PFKFB2: variants seen among roughly 807,000 people sequenced by gnomAD.
The protein encoded by PFKFB2 is 6-phosphofructo-2-kinase/fructose-2,6-biphosphatase 2, also known as 6-phosphofructo-2-kinase/fructose-2,6-bisphosphatase 2.
PFKFB2 carries 53 observed loss-of-function variants against 68.0 expected under a neutral mutation model. That is an observed-to-expected ratio of 0.78 (90% CI 0.63 to 0.98). The LOEUF is 0.98. Among genes scored for constraint, PFKFB2 ranks in the 50% least tolerant of loss-of-function variants. PFKFB2 has a pLI of 0.00. For missense variants in PFKFB2, 451 were observed against 642.0 expected (o/e 0.70, Z 3.22); for synonymous variants, 222 against 227.6 (o/e 0.98, Z 0.22).
At chr1:207,062,222 C>G in intron 3 of PFKFB2, 144 bp downstream of exon 3, 4 of 1,163,612 alleles carry the variant, frequency 3.4e-6, no homozygotes, top group Non-Finnish European at 4.8e-6. Flanking sequence ...TGGAGTTATT[C>G]TCTATTCCCA....
intron 2 of PFKFB2, among the ~76,000 whole-genome samples, chr1:207,061,165 T>TTATATATATATATATATATA (rs201702529): frequency 6.6e-4 from 30 of 45,162 alleles, no homozygotes; most frequent in South Asian, 2.2e-3. Flanking sequence ...ATATATATCT[T>TTATATATATATATATATATA]TATATATATA....
chr1:207,045,258 T>A (rs574660548), intron 2 of PFKFB2: 35 of 152,568 alleles, frequency 2.3e-4, no homozygotes, highest in Middle Eastern at 3.4e-3. Flanking sequence ...AATACTGCAT[T>A]GTATAATAAT....
upstream of PFKFB2, chr1:207,049,193 TATC>T: frequency 1.9e-6 from 3 of 1,614,058 alleles, no homozygotes; most frequent in Non-Finnish European, 2.5e-6. Flanking sequence ...ACAAGAACAA[TATC>T]ATCATTAGAG....
In PFKFB2 at chr1:207,073,547, T is replaced by C. The variant is rs1288492272; in HGVS notation, c.*1176T>C. ...AAACAAAATAGTTTTTACATGACCA[T>C]TTTTTTCCCAAATGTGGAAAAGCTT... is the stretch of plus-strand genomic sequence containing the variant. On this transcript the variant is annotated 3_prime_UTR_variant, in exon 15 of 15. Coordinates refer to ENST00000367080, the MANE Select transcript of PFKFB2 (RefSeq NM_006212.2). 3.1e-6 allele frequency: 3 copies of C among 982,898 alleles called. No individual in the cohort carries two copies. The highest frequency in any genetic ancestry group is 3.6e-6 in the Non-Finnish European group (3 of 827,568). 60.9% of individuals were successfully genotyped at this position (982,898 alleles called of 1,614,324 possible). A position where few individuals can be genotyped will look rare whatever the true frequency, so the allele number is the denominator to read the frequency against.
intron 2 of PFKFB2, among the ~76,000 whole-genome samples, chr1:207,056,823 T>C (rs1025801703): frequency 6.6e-6 from 1 of 152,184 alleles, no homozygotes; most frequent in African/African-American, 2.4e-5. Flanking sequence ...AATAAAGTTA[T>C]GAGTATATGT....
Position 207,046,021 on chromosome 1 carries a change from A to AT in PFKFB2, c.-18+3812dup, listed in dbSNP as rs1238037073. 1.1e-4 allele frequency: 16 copies of AT among 152,114 alleles called. No individual in the cohort carries two copies. In the East Asian group the frequency reaches 3.1e-3, roughly 29 times the overall value. The allele number at this position is 152,114 out of a possible 1,614,324, so 9.4% of individuals were successfully genotyped here. A position where few individuals can be genotyped will look rare whatever the true frequency, so the allele number is the denominator to read the frequency against. On this transcript the variant is annotated intron_variant, in intron 2 of 5. Transcript: ENST00000545806. ...CTTCACTTGGCTAACACATCACAAA[A>AT]TTTCCAGGTATGTTAAATTTTAGCT... is the stretch of plus-strand genomic sequence containing the variant.
chr1:207,039,134 G>A (rs941089809), intron 1 of PFKFB2, among the ~76,000 whole-genome samples: 1 of 152,186 alleles, frequency 6.6e-6, no homozygotes, highest in Non-Finnish European at 1.5e-5. Context: ...CCTAATGAGA[G>A]GGTAACTTTG....
chr1:207,068,524 G>A (rs1376047835), intron 10 of PFKFB2, among the ~76,000 whole-genome samples: 1 of 152,040 alleles, frequency 6.6e-6, no homozygotes, highest in Non-Finnish European at 1.5e-5. Flanking sequence ...GCCAATCATG[G>A]GACCCAAACC....
chr1:207,071,541 G>A lies in PFKFB2; in HGVS notation c.1318G>A (p.Glu440Lys). ...CKVETIKLNV[E>K]AVNTHRDKPT... is the part of the protein sequence containing the mutation. ...AGTGGAAACAATTAAACTTAACGTGGAGGCTGTGAACACGCACCGTGACAA... is the reference window on the plus strand; with the variant it reads ...AGTGGAAACAATTAAACTTAACGTGAAGGCTGTGAACACGCACCGTGACAA... The change falls in exon 14 of 15, where the codon GAG becomes AAG. Residue 440 changes from glutamate (E) to lysine (K), a missense_variant. By Grantham distance (56) the Glu-to-Lys change is moderately conservative (BLOSUM62 1). Transcript: ENST00000367080. The A allele has an allele frequency of 6.2e-7, 1 of 1,613,862 alleles. No homozygotes were observed. Among genetic ancestry groups the A allele is most frequent in the Non-Finnish European group, 8.5e-7 (1 of 1,179,848 alleles).
At chr1:207,046,864 G>A (rs898191020) in intron 2 of PFKFB2, 1 of 151,952 alleles carries the variant, frequency 6.6e-6, no homozygotes, top group African/African-American at 2.4e-5. Context: ...AACATGCCTG[G>A]CACAGTATAA....
intron 14 of PFKFB2, among the ~76,000 whole-genome samples, chr1:207,071,835 G>T (rs1024442599): frequency 1.3e-5 from 2 of 152,136 alleles, no homozygotes; most frequent in Non-Finnish European, 2.9e-5. Flanking sequence ...GAAGTGAAAT[G>T]CAAATTACTA....
Position 207,063,432 on chromosome 1 carries a change from A to T in PFKFB2, c.450+11A>T, listed in dbSNP as rs1486945957. 1 of 1,598,708 alleles carries T rather than the reference A, an allele frequency of 6.3e-7. No individual in the cohort carries two copies. Among genetic ancestry groups the T allele is most frequent in the Non-Finnish European group, 8.6e-7 (1 of 1,167,154 alleles). On this transcript the variant is annotated intron_variant, in intron 6 of 14. Coordinates refer to ENST00000367080, the MANE Select transcript of PFKFB2 (RefSeq NM_006212.2). The surrounding 1 kb of genome is among the most constrained non-coding windows in gnomAD (Gnocchi z 4.1). ...CAGAATTCCTTCAAGGTAGGATCTG[A>T]CTCCATGTTGGAGGAAAAGGGATGA...
rs1683522189 is a variant in PFKFB2, at chr1:207,073,283, T to C, written c.*912T>C. 1.0e-6 allele frequency: 1 copy of C among 985,342 alleles called. No homozygotes were observed. Among genetic ancestry groups the C allele is most frequent in the Admixed American group, 6.1e-5 (1 of 16,262 alleles). 61.0% of individuals were successfully genotyped at this position (985,342 alleles called of 1,614,324 possible). A position where few individuals can be genotyped will look rare whatever the true frequency, so the allele number is the denominator to read the frequency against. ...AGGAGAGTAGGGTGGGCTCTAGCTC[T>C]TGCAGGGCTCTTAGAGAGCAGTCAT... On this transcript the variant is annotated 3_prime_UTR_variant, in exon 15 of 15. Transcript: ENST00000367080.
chr1:207,042,817 G>A (rs1405859226), intron 2 of PFKFB2, among the ~76,000 whole-genome samples: 1 of 152,086 alleles, frequency 6.6e-6, no homozygotes, highest in Non-Finnish European at 1.5e-5. Context: ...TTTTTGGCTT[G>A]TTGAGATTTT....
Position 207,074,595 on chromosome 1 carries a change from C to A in PFKFB2, c.*2224C>A. On this transcript the variant is annotated 3_prime_UTR_variant, in exon 15 of 15. Transcript: ENST00000367080. ...CTTCTAAAGGCTGCTTACCTAGATTCTTCTCAAAATTGTGTCCAAGATGTT... is the reference window on the plus strand; with the variant it reads ...CTTCTAAAGGCTGCTTACCTAGATTATTCTCAAAATTGTGTCCAAGATGTT... 1 of 985,392 alleles carries A rather than the reference C, an allele frequency of 1.0e-6. No homozygotes were observed. The highest frequency in any genetic ancestry group is 1.2e-6 in the Non-Finnish European group (1 of 829,926). The allele number at this position is 985,392 out of a possible 1,614,324, so 61.0% of individuals were successfully genotyped here.
At chr1:207,049,272 G>T (rs115740223), upstream of PFKFB2, 14 of 1,614,114 alleles carry the variant, frequency 8.7e-6, no homozygotes, top group Non-Finnish European at 1.2e-5. Flanking sequence ...CATAGTGGAT[G>T]CCATCATAAA....
chr1:207,071,845 A>AC (rs1397316057), intron 14 of PFKFB2, among the ~76,000 whole-genome samples: 1 of 151,882 alleles, frequency 6.6e-6, no homozygotes, highest in Non-Finnish European at 1.5e-5. Flanking sequence ...GCAAATTACT[A>AC]CCCCCCTCCA....
rs1463675862 is a variant in PFKFB2 at position 207,076,882 on chromosome 1, G to C, written c.*4511G>C. 1.0e-6 allele frequency: 1 copy of C among 984,706 alleles called. No homozygotes were observed. The highest frequency in any genetic ancestry group is 1.2e-6 in the Non-Finnish European group (1 of 829,428). 61.0% of individuals were successfully genotyped at this position (984,706 alleles called of 1,614,324 possible). ...TGCCTGCTTTCTGATTGTATCCATT[G>C]AAGTGTATGTACATTATGGTAATTC... is the stretch of plus-strand genomic sequence containing the variant. On this transcript the variant is annotated 3_prime_UTR_variant, in exon 15 of 15. Transcript: ENST00000367080.
chr1:207,072,149 G>A, intron 14 of PFKFB2, 55 bp from the exon 15 acceptor site: 2 of 1,596,584 alleles, frequency 1.3e-6, no homozygotes, highest in East Asian at 2.2e-5. Context: ...TAACCTGTAT[G>A]AGTGAGCTTT....
Sources: gnomAD v4.1 joint callset for allele counts (sites outside exome capture counted in the v4.1 genomes callset) on GRCh38, gnomAD v4.1.1 for gene constraint, Gnocchi (gnomAD v3.1) non-coding constraint, MANE v1.5 for transcripts, NCBI Gene and HGNC (gene_info 2026-07-23, HGNC 2026-07-21) for gene names.